Variants in MICALL2 observed in about 807,000 individuals in gnomAD.
MICALL2 encodes MICAL-like protein 2.
In MICALL2, 111 loss-of-function variants were observed where a neutral mutation model predicts 91.1. The observed-to-expected ratio is 1.22, with a 90% CI of 1.04 to 1.43. The LOEUF (loss-of-function observed/expected upper bound fraction) is 1.43, where lower values mean the gene tolerates loss of function less well. Ranked by LOEUF, MICALL2 falls within the 40% of genes most tolerant of loss-of-function variation. The pLI is 0.00. For synonymous variants in MICALL2, 694 were observed against 525.3 expected, an observed-to-expected ratio of 1.32 and a Z score of -4.39; for missense variants, 1,556 against 1,236.0, an observed-to-expected ratio of 1.26 and a Z score of -3.88.
chr7:1,446,922 G>C, intron 4 of MICALL2, 94 bp from the exon 5 acceptor site: 1 of 894,318 alleles, frequency 1.1e-6, no homozygotes, highest in South Asian at 1.7e-5. Flanking sequence ...CCATCTTACA[G>C]ATGGAGAACT....
rs527570499 is a variant in MICALL2 at position 1,444,834 on chromosome 7, C to T, written c.1236G>A (p.Arg412=). The part of the protein sequence containing the change: ...DPPAWTPSAS[R]TQQARNKFFQ... ...AAAACTTATTCCGGGCCTGCTGGGT[C>T]CTGGAGGCGGACGGGGTCCAGGCTG... The change falls in exon 6 of 17, where the codon AGG becomes AGA. Residue 412 remains arginine (R), a synonymous_variant. Coordinates refer to ENST00000297508, the MANE Select transcript of MICALL2 (RefSeq NM_182924.4). The T allele has an allele frequency of 4.4e-6, 7 of 1,609,062 alleles. No homozygotes were observed. In the South Asian group the frequency reaches 6.6e-5, roughly 15 times the overall value.
chr7:1,437,266 T>A (rs1441732033), intron 14 of MICALL2: 1 of 517,268 alleles, frequency 1.9e-6, no homozygotes, highest in Non-Finnish European at 3.4e-6. Context: ...ATTGATTCGT[T>A]TAATCCTCAC....
chr7:1,448,491 T>G (rs1780692596), intron 3 of MICALL2, 129 bp downstream of exon 3: 1 of 827,046 alleles, frequency 1.2e-6, no homozygotes, highest in African/African-American at 1.8e-5. Context: ...ACAGCCCCGG[T>G]GCCCATGCCA....
In MICALL2 at chr7:1,438,138, C is replaced by A. The variant is rs184555166; in HGVS notation, c.2270G>T (p.Arg757Leu). 7.7e-6 allele frequency: 12 copies of A among 1,562,076 alleles called. No individual in the cohort carries two copies. The highest frequency in any genetic ancestry group is 1.7e-4 in the Middle Eastern group (1 of 5,760). ...IERRLDALELRGVELEKRLRA... is the reference protein window; with the variant it reads ...IERRLDALELLGVELEKRLRA... Reference sequence around the variant, plus strand: ...CAGTCGCTTCTCCAGCTCCACGCCGCGGAGCTCCAGGGCGTCCAGCCGCCT... The same window carrying A: ...CAGTCGCTTCTCCAGCTCCACGCCGAGGAGCTCCAGGGCGTCCAGCCGCCT... The change falls in exon 12 of 17, where the codon CGC (arginine) becomes CTC (leucine). Residue 757 changes from arginine to leucine, a missense_variant. Physicochemically the swap from Arg to Leu is moderately radical, Grantham distance 102 (BLOSUM62 -2). Transcript: ENST00000297508.
At chr7:1,458,631 G>A (rs1461027158) in intron 1 of MICALL2, among the ~76,000 whole-genome samples, 1 of 152,232 alleles carries the variant, frequency 6.6e-6, no homozygotes, top group African/African-American at 2.4e-5. Flanking sequence ...GCTGCTCCCA[G>A]AGATGGGGGC....
At chr7:1,442,076 G>T in intron 7 of MICALL2, 116 bp downstream of exon 7, 2 of 1,178,476 alleles carry the variant, frequency 1.7e-6, no homozygotes, top group Non-Finnish European at 1.2e-6. Flanking sequence ...GAGATGAGAC[G>T]GAGAGGAAGG....
intron 3 of MICALL2, 149 bp downstream of exon 3, chr7:1,448,471 C>T: frequency 4.2e-6 from 3 of 715,206 alleles, no homozygotes; most frequent in Non-Finnish European, 7.1e-6. Context: ...TGCTGCTTCA[C>T]AGCCAGTGCA....
chr7:1,440,886 G>T, intron 7 of MICALL2: 1 of 565,728 alleles, frequency 1.8e-6, no homozygotes, highest in Non-Finnish European at 3.2e-6. Context: ...TGTGCTGTGT[G>T]TCCCTGGGGG....
In MICALL2 at chr7:1,444,986, G is replaced by A. The variant is rs1780501634; in HGVS notation, c.1084C>T (p.Pro362Ser). ...TCTGGGGCACTCGGGGGCACGGCGG[G>A]ATGGGAGGCAGCCGCTGCTGTGCAC... is the stretch of plus-strand genomic sequence containing the variant. ...APCTAAAASH[P>S]AVPPSAPDPR... The change falls in exon 6 of 17, where the codon CCC becomes TCC. Residue 362 changes from proline to serine, a missense_variant. Coordinates refer to ENST00000297508, the MANE Select transcript of MICALL2 (RefSeq NM_182924.4). 6.6e-7 allele frequency: 1 copy of A among 1,508,496 alleles called. No individual in the cohort carries two copies. The highest frequency in any genetic ancestry group is 1.3e-5 in the South Asian group (1 of 77,670). 93.4% of individuals were successfully genotyped at this position (1,508,496 alleles called of 1,614,324 possible).
rs558809181 is a variant in MICALL2 at position 1,442,044 on chromosome 7, C to T, written c.1711+148G>A. The T allele has an allele frequency of 2.0e-4, 183 of 913,468 alleles. 4 individuals are homozygous for T. Among genetic ancestry groups the T allele is most frequent in the South Asian group, 1.9e-3 (118 of 63,646 alleles). 56.6% of individuals were successfully genotyped at this position (913,468 alleles called of 1,614,324 possible). ...AGCGCACCAGGACCCCAGGAGGCTG[C>T]GAGCAGGTGTCACGGAGGACAGAGA... On this transcript the variant is annotated intron_variant, in intron 7 of 16. Coordinates refer to ENST00000297508, the MANE Select transcript of MICALL2 (RefSeq NM_182924.4).
rs770568501 is a variant in MICALL2 at position 1,439,748 on chromosome 7, A to G, written c.1966+177T>C. 3.8e-5 allele frequency: 18 copies of G among 469,938 alleles called. No individual in the cohort carries two copies. The South Asian group carries it at 5.5e-4, about 14-fold the overall frequency. 29.1% of individuals were successfully genotyped at this position (469,938 alleles called of 1,614,324 possible). ...ACATGAACACATGCACACATGCATCACACACATGCACACATGTACACACAA... is the reference window on the plus strand; with the variant it reads ...ACATGAACACATGCACACATGCATCGCACACATGCACACATGTACACACAA... On this transcript the variant is annotated intron_variant, in intron 9 of 16. Coordinates refer to ENST00000297508, the MANE Select transcript of MICALL2 (RefSeq NM_182924.4).
Position 1,437,353 on chromosome 7 carries a change from C to A in MICALL2, c.2476+182G>T. ...AACCCAAGCACAGCAAGGTTAAGTA[C>A]CTTGGCTGAGGACACACAGCCAGGA... On this transcript the variant is annotated intron_variant, in intron 14 of 16. Coordinates refer to ENST00000297508, the MANE Select transcript of MICALL2 (RefSeq NM_182924.4). 3 of 601,958 alleles carry A rather than the reference C, an allele frequency of 5.0e-6. No homozygotes were observed. The East Asian group carries it at 9.0e-5, about 18-fold the overall frequency. The allele number at this position is 601,958 out of a possible 1,614,324, so 37.3% of individuals were successfully genotyped here. A position where few individuals can be genotyped will look rare whatever the true frequency, so the allele number is the denominator to read the frequency against.
intron 9 of MICALL2, 170 bp downstream of exon 9, chr7:1,439,747 CACACACAT>C (rs1406635735): frequency 2.1e-6 from 1 of 469,224 alleles, no homozygotes; most frequent in Admixed American, 4.3e-5. Flanking sequence ...ACACATGCAT[CACACACAT>C]GCACACATGT....
chr7:1,443,381 G>A (rs1306723391), intron 6 of MICALL2, among the ~76,000 whole-genome samples: 2 of 152,152 alleles, frequency 1.3e-5, no homozygotes, highest in African/African-American at 4.8e-5. Context: ...GCAGTTCTGA[G>A]CAGGGGACGC....
At chr7:1,442,061 G>A (rs1414473822) in intron 7 of MICALL2, 131 bp downstream of exon 7, 6 of 1,058,374 alleles carry the variant, frequency 5.7e-6, no homozygotes, top group African/African-American at 3.2e-5. Context: ...GTGTCACGGA[G>A]GACAGAGATG....
rs1055893497 is a variant in MICALL2 at position 1,452,345 on chromosome 7, G to A, written c.144-2057C>T. Among the ~76,000 whole-genome samples, 1 of 152,030 alleles carries A rather than the reference G, an allele frequency of 6.6e-6. No homozygotes were observed. Among genetic ancestry groups the A allele is most frequent in the African/African-American group, 2.4e-5 (1 of 41,400 alleles). Reference sequence around the variant, plus strand: ...GGGTGTGACCCGAGGGCACGTGGGTGGCTGTCTATGCCCAGGGACTCTGCA... The same window carrying A: ...GGGTGTGACCCGAGGGCACGTGGGTAGCTGTCTATGCCCAGGGACTCTGCA... On this transcript the variant is annotated intron_variant, in intron 1 of 16. Coordinates refer to ENST00000297508, the MANE Select transcript of MICALL2 (RefSeq NM_182924.4). This position sits in a 1 kb window ranked among gnomAD's most constrained non-coding sequence, Gnocchi z 6.2.
intron 3 of MICALL2, 33 bp downstream of exon 3, chr7:1,448,587 C>T (rs1351660568): frequency 6.2e-7 from 1 of 1,611,162 alleles, no homozygotes; most frequent in Non-Finnish European, 8.5e-7. Flanking sequence ...GGGCCTGGTC[C>T]TGCCTGGCTC....
rs891861142 is a variant in MICALL2 at position 1,434,782 on chromosome 7, G to A, written c.2639-110C>T. On this transcript the variant is annotated intron_variant, in intron 16 of 16. Coordinates refer to ENST00000297508, the MANE Select transcript of MICALL2 (RefSeq NM_182924.4). ...CCTTCCCTTCCACTGGCCACAATCC[G>A]CCCTGGGCCTCCGAGCCTGCAGGAA... 67 of 1,164,196 alleles carry A rather than the reference G, an allele frequency of 5.8e-5. 1 individual carries two copies. In the East Asian group the frequency reaches 1.2e-3, roughly 21 times the overall value. 72.1% of individuals were successfully genotyped at this position (1,164,196 alleles called of 1,614,324 possible).
At chr7:1,438,376 C>T (rs955917267) in intron 10 of MICALL2, 23 bp from the exon 11 acceptor site, 12 of 1,588,496 alleles carry the variant, frequency 7.6e-6, no homozygotes, top group Admixed American at 1.8e-5. Flanking sequence ...CAGGGTGAGC[C>T]TCTGGGACCT....
Sources: gnomAD v4.1 joint callset for allele counts (sites outside exome capture counted in the v4.1 genomes callset) on GRCh38, gnomAD v4.1.1 for gene constraint, Gnocchi (gnomAD v3.1) non-coding constraint, MANE v1.5 for transcripts, NCBI Gene and HGNC (gene_info 2026-07-23, HGNC 2026-07-21) for gene names.